The following BTRC variants were observed in gnomAD, a reference collection of about 807,000 sequenced individuals.
BTRC encodes F-box/WD repeat-containing protein 1A.
In BTRC, 42 loss-of-function variants were observed where a neutral mutation model predicts 85.5. The observed-to-expected ratio is 0.49, with a 90% CI of 0.38 to 0.64. BTRC has a LOEUF of 0.64. Among genes scored for constraint, BTRC ranks in the 30% least tolerant of loss-of-function variants. The pLI is 0.00. For synonymous variants in BTRC, 255 were observed against 263.3 expected (o/e 0.97, Z 0.30); for missense variants, 594 against 743.5 (o/e 0.80, Z 2.34).
chr10:101,522,391 C>A (rs1353160235), intron 5 of BTRC, among the ~76,000 whole-genome samples: 55 of 67,896 alleles, frequency 8.1e-4, no homozygotes, highest in Non-Finnish European at 1.5e-3. Context: ...AAAAAAAAAA[C>A]TCTAGAAATA....
intron 1 of BTRC, among the ~76,000 whole-genome samples, chr10:101,416,381 A>G (rs1307783887): frequency 2.0e-5 from 3 of 152,104 alleles, no homozygotes; most frequent in Admixed American, 1.3e-4. Context: ...TGAGAGCTAG[A>G]TATTTTTTAA....
chr10:101,503,336 T>C (rs1258874136), intron 4 of BTRC, among the ~76,000 whole-genome samples: 2 of 152,160 alleles, frequency 1.3e-5, no homozygotes, highest in African/African-American at 4.8e-5. Context: ...TGGAGCTTCA[T>C]TGTCATTGAA....
At chr10:101,406,252 C>T (rs1198373480) in intron 1 of BTRC, among the ~76,000 whole-genome samples, 17 of 151,536 alleles carry the variant, frequency 1.1e-4, no homozygotes, top group Non-Finnish European at 2.2e-4. Context: ...TCTCAGCTCA[C>T]TGCAAGCTCC....
At position 101,506,104 on chromosome 10, in the gene BTRC, G is replaced by A. The variant is rs1047193349; in HGVS notation, c.325-15535G>A. Among the ~76,000 whole-genome samples the A allele has an allele frequency of 5.3e-5, 8 of 152,224 alleles. No homozygotes were observed. The East Asian group carries it at 1.5e-3, about 29-fold the overall frequency. On this transcript the variant is annotated intron_variant, in intron 4 of 14. Transcript: ENST00000370187. ...AATTTTTCTATTTTTAGTAGAGACGGGGTTTCACCATGTTGGTCAGGCTGA... is the reference window on the plus strand; with the variant it reads ...AATTTTTCTATTTTTAGTAGAGACGAGGTTTCACCATGTTGGTCAGGCTGA...
At chr10:101,500,698 T>G (rs1406256674) in intron 4 of BTRC, among the ~76,000 whole-genome samples, 2 of 152,158 alleles carry the variant, frequency 1.3e-5, no homozygotes, top group African/African-American at 2.4e-5. Context: ...GGCTAAAACC[T>G]TAAAGCTTTT....
At chr10:101,434,806 G>A (rs568962590) in intron 2 of BTRC, among the ~76,000 whole-genome samples, 2 of 150,328 alleles carry the variant, frequency 1.3e-5, no homozygotes, top group Non-Finnish European at 3.0e-5. Context: ...TACTAAAAAC[G>A]CAAATTTAGT....
intron 1 of BTRC, among the ~76,000 whole-genome samples, chr10:101,355,144 G>A (rs1941997569): frequency 6.6e-6 from 1 of 152,160 alleles, no homozygotes; most frequent in Admixed American, 6.5e-5. Flanking sequence ...AAATGTGGAG[G>A]CCAGGTGCTT....
At chr10:101,498,085 C>T (rs572676127) in intron 4 of BTRC, among the ~76,000 whole-genome samples, 2 of 152,180 alleles carry the variant, frequency 1.3e-5, no homozygotes, top group South Asian at 4.2e-4. Flanking sequence ...TTTTGTGTGA[C>T]ATATACACAC....
intron 3 of BTRC, among the ~76,000 whole-genome samples, chr10:101,479,022 C>G (rs1387457767): frequency 6.6e-6 from 1 of 151,068 alleles, no homozygotes; most frequent in African/African-American, 2.4e-5. Flanking sequence ...GGAAAAACAA[C>G]AAAAATAAAT....
At chr10:101,484,136 T>C (rs906989039) in intron 4 of BTRC, among the ~76,000 whole-genome samples, 2 of 152,216 alleles carry the variant, frequency 1.3e-5, no homozygotes, top group Admixed American at 1.3e-4. Context: ...TTCTGTATTT[T>C]AGTTGTTATT....
intron 5 of BTRC, among the ~76,000 whole-genome samples, chr10:101,522,597 T>A (rs958729436): frequency 3.3e-5 from 5 of 151,144 alleles, no homozygotes; most frequent in Non-Finnish European, 7.4e-5. Flanking sequence ...ATTTTTGTAT[T>A]TTTAGTAGAG....
intron 6 of BTRC, among the ~76,000 whole-genome samples, chr10:101,528,386 A>G (rs1331559511): frequency 1.3e-5 from 2 of 152,330 alleles, no homozygotes; most frequent in Admixed American, 6.5e-5. Context: ...AGAAAAAACA[A>G]TCATTGAGAA....
intron 2 of BTRC, among the ~76,000 whole-genome samples, chr10:101,454,951 T>C (rs745754084): frequency 6.6e-6 from 1 of 152,174 alleles, no homozygotes; most frequent in Non-Finnish European, 1.5e-5. Context: ...GAACTTCATA[T>C]TTGATTTCAT....
chr10:101,506,160 G>A (rs563878854), intron 4 of BTRC, among the ~76,000 whole-genome samples: 70 of 152,212 alleles, frequency 4.6e-4, no homozygotes, highest in African/African-American at 1.4e-3. Flanking sequence ...GTGATCCGCC[G>A]CCTCAGCCTC....
chr10:101,533,522 C>T (rs1440953759), intron 9 of BTRC, among the ~76,000 whole-genome samples: 1 of 152,094 alleles, frequency 6.6e-6, no homozygotes, highest in Non-Finnish European at 1.5e-5. Context: ...TAATTGCAAG[C>T]TTCACTCAGG....
rs1285413628 is a variant in BTRC, at chr10:101,553,664, G to C, written c.*541G>C. The C allele has an allele frequency of 6.6e-6, 1 of 152,612 alleles. No homozygotes were observed. Among genetic ancestry groups the C allele is most frequent in the Non-Finnish European group, 1.5e-5 (1 of 68,078 alleles). 9.5% of individuals were successfully genotyped at this position (152,612 alleles called of 1,614,324 possible). The stretch of plus-strand genomic sequence containing the variant: ...AGCCCAGCCCCAATATGCTTAGGAG[G>C]AGACAGAGTTCCCTCTGTATAGCCT... On this transcript the variant is annotated 3_prime_UTR_variant, in exon 15 of 15. Coordinates refer to ENST00000370187, the MANE Select transcript of BTRC (RefSeq NM_033637.4).
At chr10:101,475,445 C>A (rs1455861901) in intron 3 of BTRC, among the ~76,000 whole-genome samples, 2 of 152,152 alleles carry the variant, frequency 1.3e-5, no homozygotes, top group African/African-American at 4.8e-5. Flanking sequence ...TAGGCTGAGG[C>A]AGGAGAATCA....
At chr10:101,386,638 A>G (rs954473605) in intron 1 of BTRC, among the ~76,000 whole-genome samples, 2 of 152,208 alleles carry the variant, frequency 1.3e-5, no homozygotes, top group African/African-American at 2.4e-5. Context: ...AAAAATGAGC[A>G]CATGAAGAAC....
intron 3 of BTRC, among the ~76,000 whole-genome samples, chr10:101,467,786 C>G (rs780409098): frequency 6.6e-6 from 1 of 152,066 alleles, no homozygotes; most frequent in African/African-American, 2.4e-5. Context: ...TTTTAGTCAT[C>G]TGTTTTAATT....
Sources: allele counts gnomAD v4.1 joint callset (sites outside exome capture counted in the v4.1 genomes callset), GRCh38; gene constraint gnomAD v4.1.1; transcripts MANE v1.5; gene names NCBI Gene and HGNC (gene_info 2026-07-23, HGNC 2026-07-21).